GOLIM4: variants seen among roughly 807,000 people sequenced by gnomAD.
The protein encoded by GOLIM4 is golgi integral membrane protein 4.
GOLIM4 carries 71 observed loss-of-function variants against 107.4 expected under a neutral mutation model. The observed-to-expected ratio is 0.66, with a 90% confidence interval of 0.55 to 0.81. The LOEUF (loss-of-function observed/expected upper bound fraction) is 0.81, where lower values mean the gene tolerates loss of function less well. GOLIM4 is among the 30% of genes least tolerant of loss of function. GOLIM4 has a pLI of 0.00. For synonymous variants in GOLIM4, 327 were observed against 294.8 expected (o/e 1.11, Z -1.12); for missense variants, 830 against 826.1 (o/e 1.00, Z -0.06).
chr3:168,095,527 G>A lies in GOLIM4; in HGVS notation c.-242C>T. The A allele has an allele frequency of 2.1e-6, 1 of 481,596 alleles. No homozygotes were observed. 29.8% of individuals were successfully genotyped at this position (481,596 alleles called of 1,614,324 possible). A position where few individuals can be genotyped will look rare whatever the true frequency, so the allele number is the denominator to read the frequency against. ...AACTTCTGCGAGGCTCGTTCTCCGC[G>A]AATGCCCGGGGCCGGGAGGAGGCCC... On this transcript the variant is annotated 5_prime_UTR_variant, in exon 1 of 16. Transcript: ENST00000470487.
rs868005168 is a variant in GOLIM4 at position 168,067,472 on chromosome 3, C to A, written c.188-19107G>T. Among the ~76,000 whole-genome samples, 13 of 149,006 alleles carry A rather than the reference C, an allele frequency of 8.7e-5. No individual in the cohort carries two copies. The South Asian group carries it at 1.7e-3, about 19-fold the overall frequency. On this transcript the variant is annotated intron_variant, in intron 1 of 15. Coordinates refer to ENST00000470487, the MANE Select transcript of GOLIM4 (RefSeq NM_014498.5). ...CACCACAATACAAAAAGAGCAAAAACCAACAAAAACTCTTCTGATCTAAAA... is the reference window on the plus strand; with the variant it reads ...CACCACAATACAAAAAGAGCAAAAAACAACAAAAACTCTTCTGATCTAAAA...
intron 1 of GOLIM4, among the ~76,000 whole-genome samples, chr3:168,075,065 C>T (rs1721002979): frequency 6.6e-6 from 1 of 151,910 alleles, no homozygotes; most frequent in African/African-American, 2.4e-5. Context: ...TAGAAATGTT[C>T]CTTTTGTTCT....
rs551821828 is a variant in GOLIM4, at chr3:168,095,522, T to C, written c.-237A>G. On this transcript the variant is annotated 5_prime_UTR_variant, in exon 1 of 16. Transcript: ENST00000470487. ...AGCCAAACTTCTGCGAGGCTCGTTC[T>C]CCGCGAATGCCCGGGGCCGGGAGGA... The C allele has an allele frequency of 8.5e-5, 41 of 484,054 alleles. No homozygotes were observed. The South Asian group carries it at 1.1e-3, about 13-fold the overall frequency. The allele number at this position is 484,054 out of a possible 1,614,324, so 30.0% of individuals were successfully genotyped here.
At chr3:168,070,380 G>A (rs992890077) in intron 1 of GOLIM4, among the ~76,000 whole-genome samples, 10 of 152,176 alleles carry the variant, frequency 6.6e-5, no homozygotes, top group Non-Finnish European at 1.5e-4. Context: ...GCAACAGAGC[G>A]AGACTCCGTC....
chr3:168,016,948 C>T (rs1270942976), intron 14 of GOLIM4, among the ~76,000 whole-genome samples: 3 of 142,092 alleles, frequency 2.1e-5, no homozygotes, highest in South Asian at 2.2e-4. Flanking sequence ...TGCTAGATGA[C>T]GAGTTAGTGG....
chr3:168,067,555 C>CA (rs769475018), intron 1 of GOLIM4, among the ~76,000 whole-genome samples: 351 of 145,014 alleles, frequency 2.4e-3, no homozygotes, highest in Non-Finnish European at 3.6e-3. Context: ...TATCTTTTTA[C>CA]AAAAAAAAAT....
intron 14 of GOLIM4, among the ~76,000 whole-genome samples, chr3:168,023,386 T>C (rs1350617708): frequency 6.6e-6 from 1 of 152,250 alleles, no homozygotes; most frequent in Non-Finnish European, 1.5e-5. Context: ...AAGTGCATGT[T>C]ATTAGAAATG....
chr3:168,039,289 G>T (rs1316293203), intron 7 of GOLIM4, among the ~76,000 whole-genome samples: 1 of 146,240 alleles, frequency 6.8e-6, no homozygotes, highest in Non-Finnish European at 1.5e-5. Context: ...TTGAGATGGA[G>T]TCTTGCTCTG....
chr3:168,064,689 G>A lies in GOLIM4; in HGVS notation c.188-16324C>T, dbSNP rs762161844. Among the ~76,000 whole-genome samples the A allele has an allele frequency of 1.1e-4, 17 of 150,018 alleles. No individual in the cohort carries two copies. In the East Asian group the frequency reaches 2.7e-3, roughly 24 times the overall value. ...TGGCCTGAAATGATCCTCCCACCTC[G>A]CCCTCCTGAGTCGCTGGGACTACAG... On this transcript the variant is annotated intron_variant, in intron 1 of 15. Transcript: ENST00000470487.
intron 14 of GOLIM4, among the ~76,000 whole-genome samples, chr3:168,011,307 C>T (rs1717010029): frequency 6.6e-6 from 1 of 152,202 alleles, no homozygotes; most frequent in African/African-American, 2.4e-5. Flanking sequence ...AATCGCGTCA[C>T]TCCCACCCAA....
At chr3:168,044,560 G>A (rs1446321340) in intron 4 of GOLIM4, among the ~76,000 whole-genome samples, 1 of 152,156 alleles carries the variant, frequency 6.6e-6, no homozygotes, top group African/African-American at 2.4e-5. Flanking sequence ...AATGGATAGA[G>A]AGAAGAAGAA....
chr3:168,035,615 A>G (rs1718599070), intron 8 of GOLIM4, among the ~76,000 whole-genome samples: 1 of 152,200 alleles, frequency 6.6e-6, no homozygotes, highest in African/African-American at 2.4e-5. Context: ...ATAAGCACAT[A>G]GAGGGGAACA....
chr3:168,032,533 T>C lies in GOLIM4; in HGVS notation c.1163A>G (p.His388Arg). ...GTGACTTCATACCTCAGCACGCGCGTGCCCTTCCAGGAGGTTGGCTGCTTC... is the reference window on the plus strand; with the variant it reads ...GTGACTTCATACCTCAGCACGCGCGCGCCCTTCCAGGAGGTTGGCTGCTTC... ...QREAANLLEG[H>R]ARAEVYPSAK... Residue 388 changes from histidine to arginine, a missense_variant, in exon 9 of 16, where the codon CAC (histidine) becomes CGC (arginine). By Grantham distance (29) the His-to-Arg change is conservative (BLOSUM62 0). Coordinates refer to ENST00000470487, the MANE Select transcript of GOLIM4 (RefSeq NM_014498.5). 6.2e-7 allele frequency: 1 copy of C among 1,613,954 alleles called. No homozygotes were observed. The highest frequency in any genetic ancestry group is 8.5e-7 in the Non-Finnish European group (1 of 1,179,864).
At chr3:168,050,559 G>T (rs1469703963) in intron 1 of GOLIM4, among the ~76,000 whole-genome samples, 2 of 151,964 alleles carry the variant, frequency 1.3e-5, no homozygotes, top group African/African-American at 4.8e-5. Flanking sequence ...GGATGCTCAG[G>T]AACACGTAAG....
rs374374393 is a variant in GOLIM4, at chr3:168,075,286, GTTTTTTTTTTTTT to G, written c.187+19800_187+19812del. ...ACTGGTAATTGGCGGACATTCACTAGTTTTTTTTTTTTTTTTTTTTTTTTTTTTGAGACGGAGT... is the reference window on the plus strand; with the variant it reads ...ACTGGTAATTGGCGGACATTCACTAGTTTTTTTTTTTTTTTGAGACGGAGT... On this transcript the variant is annotated intron_variant, in intron 1 of 15. Coordinates refer to ENST00000470487, the MANE Select transcript of GOLIM4 (RefSeq NM_014498.5). Among the ~76,000 whole-genome samples the G allele has an allele frequency of 8.5e-5, 8 of 94,222 alleles. No individual in the cohort carries two copies. In the East Asian group the frequency reaches 1.1e-3, roughly 13 times the overall value. The allele number at this position is 94,222 out of a possible 152,430, so 61.8% of individuals were successfully genotyped here. A position where few individuals can be genotyped will look rare whatever the true frequency, so the allele number is the denominator to read the frequency against.
intron 8 of GOLIM4, among the ~76,000 whole-genome samples, chr3:168,036,414 G>A (rs536409785): frequency 1.0e-3 from 159 of 152,230 alleles, no homozygotes; most frequent in African/African-American, 3.6e-3. Flanking sequence ...GGTGGCGGGC[G>A]CCTATAATCC....
intron 14 of GOLIM4, among the ~76,000 whole-genome samples, chr3:168,015,272 A>G (rs960661104): frequency 9.1e-5 from 13 of 143,076 alleles, no homozygotes; most frequent in African/African-American, 2.9e-4. Flanking sequence ...CCAAATCATG[A>G]GTGAACTCCC....
At chr3:168,027,118 G>C (rs1718033226) in intron 12 of GOLIM4, among the ~76,000 whole-genome samples, 1 of 151,924 alleles carries the variant, frequency 6.6e-6, no homozygotes, top group Admixed American at 6.5e-5. Flanking sequence ...AGAGGTCTCA[G>C]TCTTTTTTGG....
intron 1 of GOLIM4, among the ~76,000 whole-genome samples, chr3:168,080,141 T>C (rs1048312429): frequency 1.3e-5 from 2 of 152,076 alleles, no homozygotes; most frequent in Admixed American, 1.3e-4. Flanking sequence ...ATTTTAATAA[T>C]GGAGAAAAAA....
Sources: allele counts gnomAD v4.1 joint callset (sites outside exome capture counted in the v4.1 genomes callset), GRCh38; gene constraint gnomAD v4.1.1; transcripts MANE v1.5; gene names NCBI Gene and HGNC (gene_info 2026-07-23, HGNC 2026-07-21).